Variants in ITGB3 observed in about 807,000 individuals in gnomAD.
ITGB3 encodes integrin subunit beta 3.
Under a neutral mutation model 85.8 loss-of-function variants are expected in ITGB3, and 48 were observed. The observed-to-expected ratio is 0.56, with a 90% CI of 0.44 to 0.71. ITGB3 has a LOEUF of 0.71. Among genes scored for constraint, ITGB3 ranks in the 30% least tolerant of loss-of-function variants. ITGB3 has a pLI of 0.00. For missense variants in ITGB3, 861 were observed against 1,019.1 expected (o/e 0.84, Z 2.11); for synonymous variants, 363 against 395.6 (o/e 0.92, Z 0.98).
Position 47,292,161 on chromosome 17 carries a change from AG to A in ITGB3, c.1285del (p.Val429CysfsTer14). 6.2e-7 allele frequency: 1 copy of A among 1,614,210 alleles called. No individual in the cohort carries two copies. Among genetic ancestry groups the A allele is most frequent in the Admixed American group, 1.7e-5 (1 of 60,030 alleles). ...GDTVSFSIEA[K>X]VRGCPQEKEK... ...CAGGTGAGCTTCAGCATTGAGGCCA[AG>A]GTGCGAGGCTGTCCCCAGGAGAAGG... On this transcript the variant is annotated frameshift_variant, in exon 10 of 15. Transcript: ENST00000559488. LOFTEE classifies it high-confidence loss of function.
chr17:47,285,441 C>A (rs1470867118), intron 4 of ITGB3, among the ~76,000 whole-genome samples: 2 of 152,028 alleles, frequency 1.3e-5, no homozygotes, highest in Non-Finnish European at 2.9e-5. Flanking sequence ...GTGAGACCCC[C>A]ATCTCTACAA....
At position 47,310,162 on chromosome 17, in the gene ITGB3, G is replaced by A. The variant is rs543119141; in HGVS notation, c.2325G>A (p.Glu775=). 1.3e-5 allele frequency: 21 copies of A among 1,614,032 alleles called. No homozygotes were observed. In the South Asian group the frequency reaches 1.4e-4, roughly 11 times the overall value. ...AGGCCAACAACCCACTGTATAAAGA[G>A]GCCACGTCTACCTTCACCAATATCA... ...WDTANNPLYK[E]ATSTFTNITY... The change falls in exon 15 of 15, where the codon GAG becomes GAA. Residue 775 remains glutamate, a synonymous_variant. Transcript: ENST00000559488.
At chr17:47,292,660 T>C in intron 10 of ITGB3, 92 bp downstream of exon 10, 2 of 1,331,780 alleles carry the variant, frequency 1.5e-6, no homozygotes, top group Non-Finnish European at 2.1e-6. Flanking sequence ...CTGAGATGGG[T>C]CTTTGCAGGC....
intron 1 of ITGB3, among the ~76,000 whole-genome samples, chr17:47,272,661 TA>T (rs541215199): frequency 8.0e-6 from 1 of 125,424 alleles, no homozygotes. Flanking sequence ...AAATTTTATG[TA>T]ATCTTTCTTT....
intron 1 of ITGB3, among the ~76,000 whole-genome samples, chr17:47,261,463 ATTAT>A (rs1452888937): frequency 1.3e-5 from 2 of 151,416 alleles, no homozygotes; most frequent in African/African-American, 4.9e-5. Flanking sequence ...AACATATATA[ATTAT>A]TTATCATTAT....
In ITGB3 at chr17:47,299,468, G is replaced by C; in HGVS notation, c.1851G>C (p.Pro617=). The change falls in exon 11 of 15, where the codon CCG becomes CCC. Residue 617 remains proline, a synonymous_variant. Coordinates refer to ENST00000559488, the MANE Select transcript of ITGB3 (RefSeq NM_000212.3). This position sits in a 1 kb window ranked among gnomAD's most constrained non-coding sequence, Gnocchi z 5.1. ...CECGSCVCIQ[P]GSYGDTCEKC... ...GTGGCAGCTGTGTCTGTATCCAGCC[G>C]GGCTCCTATGGGGACACCTGTGAGA... 1 of 1,614,254 alleles carries C rather than the reference G, an allele frequency of 6.2e-7. No homozygotes were observed. Among genetic ancestry groups the C allele is most frequent in the East Asian group, 2.2e-5 (1 of 44,890 alleles).
At chr17:47,282,071 C>T (rs1243889180) in intron 2 of ITGB3, among the ~76,000 whole-genome samples, 2 of 152,110 alleles carry the variant, frequency 1.3e-5, no homozygotes, top group South Asian at 4.1e-4. Flanking sequence ...GCCTCCGTCT[C>T]CCAAGTAGCT....
rs1168814513 is a variant in ITGB3, at chr17:47,299,212, G to T, written c.1691-96G>T. On this transcript the variant is annotated intron_variant, in intron 10 of 14. Transcript: ENST00000559488. The surrounding 1 kb of genome is among the most constrained non-coding windows in gnomAD (Gnocchi z 5.1). ...CTGCCAACCTGGAGGATCATTATCT[G>T]TGTGGTTGGGAGAGCAGGATGGTCG... 3.2e-5 allele frequency: 37 copies of T among 1,168,842 alleles called. No homozygotes were observed. The highest frequency in any genetic ancestry group is 2.5e-4 in the Middle Eastern group (1 of 4,072). The allele number at this position is 1,168,842 out of a possible 1,614,324, so 72.4% of individuals were successfully genotyped here.
At chr17:47,294,137 G>A (rs946738323) in intron 10 of ITGB3, among the ~76,000 whole-genome samples, 4 of 152,208 alleles carry the variant, frequency 2.6e-5, no homozygotes, top group African/African-American at 9.6e-5. Flanking sequence ...TTAGGGGAGA[G>A]CAAGAGATCA....
chr17:47,268,598 C>G lies in ITGB3; in HGVS notation c.80-5821C>G, dbSNP rs116655712. On this transcript the variant is annotated intron_variant, in intron 1 of 14. Transcript: ENST00000559488. Reference sequence around the variant, plus strand: ...TCTCCTTTGACTCCATGTCTCACACCTAGGTCATATTGATGCAAGAGGTGG... The same window carrying G: ...TCTCCTTTGACTCCATGTCTCACACGTAGGTCATATTGATGCAAGAGGTGG... Among the ~76,000 whole-genome samples the G allele has an allele frequency of 7.4e-3, 1,121 of 152,312 alleles. 15 individuals are homozygous for G. Among genetic ancestry groups the G allele is most frequent in the African/African-American group, 0.025 (1,025 of 41,568 alleles).
At chr17:47,253,967 T>C (rs2149057116) in intron 1 of ITGB3, 27 bp downstream of exon 1, 1 of 1,354,178 alleles carries the variant, frequency 7.4e-7, no homozygotes, top group South Asian at 1.5e-5. Flanking sequence ...CTCGGCAGCG[T>C]CGCAGCTGCC....
chr17:47,267,600 TAA>T (rs2065030041), intron 1 of ITGB3, among the ~76,000 whole-genome samples: 1 of 152,138 alleles, frequency 6.6e-6, no homozygotes, highest in African/African-American at 2.4e-5. Flanking sequence ...TGTGATTCAT[TAA>T]AAAGAGTGGA....
chr17:47,290,393 C>T (rs1159440240), intron 8 of ITGB3, 119 bp downstream of exon 8: 14 of 863,988 alleles, frequency 1.6e-5, no homozygotes, highest in Admixed American at 6.9e-5. Context: ...CTGCCTTCTC[C>T]GTGTGCTCCC....
intron 2 of ITGB3, among the ~76,000 whole-genome samples, chr17:47,282,713 C>T (rs894784228): frequency 2.0e-5 from 3 of 152,148 alleles, no homozygotes; most frequent in South Asian, 2.1e-4. Flanking sequence ...CAGTCTAGCC[C>T]GTGTCAAATA....
intron 11 of ITGB3, among the ~76,000 whole-genome samples, chr17:47,300,199 C>T (rs2065160893): frequency 6.6e-6 from 1 of 152,230 alleles, no homozygotes; most frequent in African/African-American, 2.4e-5. Context: ...CATCCTGGCA[C>T]AGCCCTGGAT....
At chr17:47,277,032 G>C (rs541746898) in intron 2 of ITGB3, among the ~76,000 whole-genome samples, 4 of 152,246 alleles carry the variant, frequency 2.6e-5, no homozygotes, top group Admixed American at 6.5e-5. Flanking sequence ...TATAGTGAGA[G>C]CTTGGCTGGG....
intron 12 of ITGB3, among the ~76,000 whole-genome samples, chr17:47,300,874 G>A (rs2065164924): frequency 6.6e-6 from 1 of 152,224 alleles, no homozygotes; most frequent in Non-Finnish European, 1.5e-5. Context: ...GGAAGAGAAT[G>A]TATCCCATTT....
At position 47,313,209 on chromosome 17, in the gene ITGB3, G is replaced by C. The variant is rs781207607; in HGVS notation, c.*3005G>C. 1.8e-3 allele frequency among the ~76,000 whole-genome samples: 276 copies of C among 151,474 alleles called. 3 individuals carry two copies. Among genetic ancestry groups the C allele is most frequent in the Non-Finnish European group, 1.7e-3 (114 of 67,878 alleles). On this transcript the variant is annotated 3_prime_UTR_variant, in exon 15 of 15. Coordinates refer to ENST00000559488, the MANE Select transcript of ITGB3 (RefSeq NM_000212.3). ...GGCTGGTCTCGAACTCCTGACCTTA[G>C]GCGATCCACCTTCCTCGGCCTCCCA...
At chr17:47,276,006 C>G (rs2065062516) in intron 2 of ITGB3, among the ~76,000 whole-genome samples, 1 of 152,100 alleles carries the variant, frequency 6.6e-6, no homozygotes, top group African/African-American at 2.4e-5. Context: ...CTTCTTTTAC[C>G]AGGAAGTTGC....
Sources: gnomAD v4.1 joint callset for allele counts (sites outside exome capture counted in the v4.1 genomes callset) on GRCh38, gnomAD v4.1.1 for gene constraint, Gnocchi (gnomAD v3.1) non-coding constraint, MANE v1.5 for transcripts, NCBI Gene and HGNC (gene_info 2026-07-23, HGNC 2026-07-21) for gene names.